Variants in ALPK3 observed in about 807,000 individuals in gnomAD.
ALPK3 encodes alpha-protein kinase 3.
In ALPK3, 102 loss-of-function variants were observed where a neutral mutation model predicts 140.0. The observed-to-expected ratio is 0.73, with a 90% CI of 0.62 to 0.86. ALPK3 has a LOEUF of 0.86. Among genes scored for constraint, ALPK3 ranks in the 40% least tolerant of loss-of-function variants. ALPK3 has a pLI of 0.00. For synonymous variants in ALPK3, 938 were observed against 898.5 expected (o/e 1.04, Z -0.79); for missense variants, 2,254 against 2,208.2 (o/e 1.02, Z -0.42).
chr15:84,839,033 T>A lies in ALPK3; in HGVS notation c.358T>A (p.Tyr120Asn). 1 of 1,613,740 alleles carries A rather than the reference T, an allele frequency of 6.2e-7. No homozygotes were observed. The highest frequency in any genetic ancestry group is 8.5e-7 in the Non-Finnish European group (1 of 1,179,804). Residue 120 changes from tyrosine to asparagine, a missense_variant, in exon 4 of 14, where the codon TAC becomes AAC. This residue lies in a region of ALPK3 where 2,088 missense variants were observed against 2,022.9 expected (regional missense o/e 1.03). Transcript: ENST00000258888. ...WYKDDTELDR[Y>N]CGLPKYEITH... is the part of the protein sequence containing the mutation. Reference sequence around the variant, plus strand: ...CAAGGATGATACGGAGCTGGACCGCTACTGTGGCTTGCCAAAATATGAGAT... The same window carrying A: ...CAAGGATGATACGGAGCTGGACCGCAACTGTGGCTTGCCAAAATATGAGAT...
intron 11 of ALPK3, 112 bp downstream of exon 11, chr15:84,863,752 A>G (rs540395471): frequency 8.4e-5 from 86 of 1,021,616 alleles, no homozygotes; most frequent in East Asian, 5.4e-5. Flanking sequence ...CCCATGTGCA[A>G]ATAGGCTCAC....
At chr15:84,858,750 G>A (rs1963901813) in intron 6 of ALPK3, among the ~76,000 whole-genome samples, 195 bp downstream of exon 6, 1 of 152,236 alleles carries the variant, frequency 6.6e-6, no homozygotes, top group African/African-American at 2.4e-5. Context: ...ACTCCACAGA[G>A]TGGAGATAAC....
chr15:84,844,187 C>A (rs1321583882), intron 5 of ALPK3, among the ~76,000 whole-genome samples: 3 of 152,012 alleles, frequency 2.0e-5, no homozygotes, highest in Admixed American at 6.6e-5. Context: ...GAGATTGCAC[C>A]ACTGCACTCC....
At chr15:84,846,750 T>G (rs991859899) in intron 5 of ALPK3, among the ~76,000 whole-genome samples, 2 of 152,100 alleles carry the variant, frequency 1.3e-5, no homozygotes, top group African/African-American at 4.8e-5. Flanking sequence ...TTTTATTCAT[T>G]TTTTATTTTT....
In ALPK3 at chr15:84,873,305, T is replaced by C. The variant is rs577414568; in HGVS notation, c.*4849T>C. On this transcript the variant is annotated 3_prime_UTR_variant, in exon 14 of 14. Coordinates refer to ENST00000258888, the MANE Select transcript of ALPK3 (RefSeq NM_020778.5). ...CTTCTGAAATCTTTGAATTCCTGCC[T>C]TTCTTGGATGTTTGGTCTTTTGATA... 6.6e-6 allele frequency: 1 copy of C among 152,344 alleles called. No homozygotes were observed. The highest frequency in any genetic ancestry group is 2.4e-5 in the African/African-American group (1 of 41,578). 9.4% of individuals were successfully genotyped at this position (152,344 alleles called of 1,614,324 possible). A position where few individuals can be genotyped will look rare whatever the true frequency, so the allele number is the denominator to read the frequency against.
rs532870031 is a variant in ALPK3, at chr15:84,832,083, A to G, written c.304+4478A>G. 2.6e-5 allele frequency among the ~76,000 whole-genome samples: 4 copies of G among 152,326 alleles called. No individual in the cohort carries two copies. The South Asian group carries it at 8.3e-4, about 32-fold the overall frequency. Reference sequence around the variant, plus strand: ...ACTTCATCTTTGGCTGTGGTGGGGAAGGAGCAGTCATCCAGTGAGATAGAA... The same window carrying G: ...ACTTCATCTTTGGCTGTGGTGGGGAGGGAGCAGTCATCCAGTGAGATAGAA... On this transcript the variant is annotated intron_variant, in intron 3 of 13. Transcript: ENST00000258888.
chr15:84,826,226 C>T (rs1040339175), intron 2 of ALPK3, among the ~76,000 whole-genome samples: 1 of 152,224 alleles, frequency 6.6e-6, no homozygotes, highest in African/African-American at 2.4e-5. Flanking sequence ...TGTGGAATCC[C>T]TCCCCACAAA....
chr15:84,865,243 C>G (rs1388755000), intron 12 of ALPK3, among the ~76,000 whole-genome samples: 6 of 152,212 alleles, frequency 3.9e-5, no homozygotes, highest in Non-Finnish European at 5.9e-5. Context: ...CAGCTCTCTG[C>G]AGGCCTACTG....
At chr15:84,860,826 A>G (rs976426338) in intron 9 of ALPK3, among the ~76,000 whole-genome samples, 6 of 152,136 alleles carry the variant, frequency 3.9e-5, no homozygotes, top group Admixed American at 3.3e-4. Context: ...GGGTTCAAGC[A>G]ATTCTCGTGC....
intron 5 of ALPK3, among the ~76,000 whole-genome samples, chr15:84,854,143 G>A (rs16974567): frequency 0.084 from 12,750 of 151,124 alleles, 645 homozygotes; most frequent in Non-Finnish European, 0.099. Flanking sequence ...TTGATTTTGT[G>A]TGTGGTTCTG....
rs1596143706 is a variant in ALPK3, at chr15:84,817,619, C to T, written c.143+24C>T. 13 of 1,477,372 alleles carry T rather than the reference C, an allele frequency of 8.8e-6. 1 individual carries two copies. The East Asian group carries it at 3.2e-4, about 37-fold the overall frequency. The allele number at this position is 1,477,372 out of a possible 1,614,324, so 91.5% of individuals were successfully genotyped here. Reference sequence around the variant, plus strand: ...AGGTAAGTGGCACCAAGGGGCAGGGCGGCGTCGGGCCGGCGATGCCCTGGG... The same window carrying T: ...AGGTAAGTGGCACCAAGGGGCAGGGTGGCGTCGGGCCGGCGATGCCCTGGG... On this transcript the variant is annotated intron_variant, in intron 1 of 13. Coordinates refer to ENST00000258888, the MANE Select transcript of ALPK3 (RefSeq NM_020778.5).
chr15:84,868,278 G>T lies in ALPK3; in HGVS notation c.4940G>T (p.Arg1647Met). The T allele has an allele frequency of 6.2e-7, 1 of 1,614,158 alleles. No individual in the cohort carries two copies. Among genetic ancestry groups the T allele is most frequent in the Non-Finnish European group, 8.5e-7 (1 of 1,179,990 alleles). ...AKGSKSPSAGRKGSQLSPQPQ... is the reference protein window; with the variant it reads ...AKGSKSPSAGMKGSQLSPQPQ... ...GGCTCTAAGAGTCCATCTGCTGGCA[G>T]GAAAGGCTCCCAGCTGAGTCCTCAG... The change falls in exon 14 of 14, where the codon AGG (arginine) becomes ATG (methionine). Residue 1647 changes from arginine to methionine, a missense_variant. Arg to Met is a moderately conservative substitution (Grantham distance 91, BLOSUM62 -1). Transcript: ENST00000258888.
At chr15:84,847,675 C>T (rs974411942) in intron 5 of ALPK3, among the ~76,000 whole-genome samples, 1 of 151,934 alleles carries the variant, frequency 6.6e-6, no homozygotes, top group Non-Finnish European at 1.5e-5. Context: ...CTACATTTAG[C>T]AAAAATATCT....
chr15:84,856,544 G>C lies in ALPK3; in HGVS notation c.1806G>C (p.Gln602His), dbSNP rs1052486404. The C allele has an allele frequency of 2.5e-6, 4 of 1,614,078 alleles. No homozygotes were observed. The highest frequency in any genetic ancestry group is 3.4e-6 in the Non-Finnish European group (4 of 1,180,042). The stretch of plus-strand genomic sequence containing the variant: ...AGGATGGGAGAACATCTGCTAACCA[G>C]AGAACTGGAAGCAAGAAGAATGTGC... ...TQEDGRTSAN[Q>H]RTGSKKNVQA... The change falls in exon 6 of 14, where the codon CAG becomes CAC. Residue 602 changes from glutamine to histidine, a missense_variant. Physicochemically the swap from Gln to His is conservative, Grantham distance 24. Coordinates refer to ENST00000258888, the MANE Select transcript of ALPK3 (RefSeq NM_020778.5).
intron 5 of ALPK3, among the ~76,000 whole-genome samples, chr15:84,853,303 G>A (rs900119884): frequency 2.0e-5 from 3 of 152,178 alleles, no homozygotes; most frequent in African/African-American, 7.2e-5. Context: ...GAAGTTGGAA[G>A]AGCATTTTTA....
At position 84,858,004 on chromosome 15, in the gene ALPK3, G is replaced by C. The variant is rs1419500758; in HGVS notation, c.3266G>C (p.Ser1089Thr). Residue 1089 changes from serine to threonine, a missense_variant, in exon 6 of 14, where the codon AGT becomes ACT. This residue lies in a region of ALPK3 where 2,088 missense variants were observed against 2,022.9 expected (regional missense o/e 1.03). Coordinates refer to ENST00000258888, the MANE Select transcript of ALPK3 (RefSeq NM_020778.5). ...CCTGGGCTGGCCTCAGAAGGAGCCA[G>C]TGAGGGTGAAGGAGAGGTTTCCCCT... Reference protein sequence around the residue: ...EDPGLASEGASEGEGEVSPEG... With the variant: ...EDPGLASEGATEGEGEVSPEG... 2.5e-6 allele frequency: 4 copies of C among 1,596,492 alleles called. No homozygotes were observed. Among genetic ancestry groups the C allele is most frequent in the Non-Finnish European group, 3.4e-6 (4 of 1,171,816 alleles).
In ALPK3 at chr15:84,817,395, C is replaced by T. The variant is rs1963371673; in HGVS notation, c.-58C>T. 2 of 1,226,296 alleles carry T rather than the reference C, an allele frequency of 1.6e-6. No homozygotes were observed. Among genetic ancestry groups the T allele is most frequent in the Non-Finnish European group, 2.0e-6 (2 of 986,476 alleles). The allele number at this position is 1,226,296 out of a possible 1,614,324, so 76.0% of individuals were successfully genotyped here. On this transcript the variant is annotated 5_prime_UTR_variant, in exon 1 of 14. Transcript: ENST00000258888. ...CGGGCAGGGGCCCGGGGGCCGGGGC[C>T]TGGAGGACAGGCGAGGCAGCGGCGA... is the stretch of plus-strand genomic sequence containing the variant.
chr15:84,857,533 G>C lies in ALPK3; in HGVS notation c.2795G>C (p.Ser932Thr). Reference sequence around the variant, plus strand: ...CCACCAGAAACCATGGCCACCAGCAGTGAGGGGGCCTGCGCCCAGGTACCA... The same window carrying C: ...CCACCAGAAACCATGGCCACCAGCACTGAGGGGGCCTGCGCCCAGGTACCA... ...SHPPETMATS[S>T]EGACAQVPDV... The change falls in exon 6 of 14, where the codon AGT becomes ACT. Residue 932 changes from serine to threonine, a missense_variant. Ser to Thr is a moderately conservative substitution (Grantham distance 58, BLOSUM62 1). This residue lies in a region of ALPK3 where 2,088 missense variants were observed against 2,022.9 expected (regional missense o/e 1.03). Coordinates refer to ENST00000258888, the MANE Select transcript of ALPK3 (RefSeq NM_020778.5). 1 of 1,592,376 alleles carries C rather than the reference G, an allele frequency of 6.3e-7. No homozygotes were observed. Among genetic ancestry groups the C allele is most frequent in the Non-Finnish European group, 8.6e-7 (1 of 1,168,486 alleles).
At chr15:84,853,579 G>A (rs1362592618) in intron 5 of ALPK3, among the ~76,000 whole-genome samples, 2 of 151,976 alleles carry the variant, frequency 1.3e-5, no homozygotes, top group Non-Finnish European at 2.9e-5. Context: ...ATGCCAGTGC[G>A]CTCCAGCCTG....
Sources: allele counts gnomAD v4.1 joint callset (sites outside exome capture counted in the v4.1 genomes callset), GRCh38; gene constraint gnomAD v4.1.1; regional missense constraint gnomAD v4.1.1; transcripts MANE v1.5; gene names NCBI Gene and HGNC (gene_info 2026-07-23, HGNC 2026-07-21).